HACD2: variants seen among roughly 807,000 people sequenced by gnomAD.
The protein encoded by HACD2 is 3-hydroxyacyl-CoA dehydratase 2, also known as very-long-chain (3R)-3-hydroxyacyl-CoA dehydratase 2.
In HACD2, 15 loss-of-function variants were observed where a neutral mutation model predicts 31.0. The ratio of observed to expected loss-of-function variants is 0.48; its 90% CI spans 0.32 to 0.75. The LOEUF is 0.75. HACD2 is among the 30% of genes least tolerant of loss of function. HACD2 has a pLI of 0.03. For synonymous variants in HACD2, 115 were observed against 122.2 expected, an observed-to-expected ratio of 0.94 and a Z score of 0.39; for missense variants, 283 against 313.0, an observed-to-expected ratio of 0.90 and a Z score of 0.72.
chr3:123,563,964 G>A (rs2056763632), intron 3 of HACD2, among the ~76,000 whole-genome samples: 1 of 152,200 alleles, frequency 6.6e-6, no homozygotes, highest in South Asian at 2.1e-4. Context: ...GACGTACTGA[G>A]GTCCCAAGTA....
chr3:123,548,897 T>C (rs899417343), intron 3 of HACD2, among the ~76,000 whole-genome samples: 10 of 151,596 alleles, frequency 6.6e-5, no homozygotes, highest in Non-Finnish European at 1.3e-4. Flanking sequence ...AGTGCTGGGG[T>C]TGCAGGCATG....
chr3:123,581,233 T>A (rs1347097869), intron 2 of HACD2, among the ~76,000 whole-genome samples: 1 of 152,202 alleles, frequency 6.6e-6, no homozygotes, highest in Non-Finnish European at 1.5e-5. Flanking sequence ...GAACCAGATC[T>A]TCCCTGCAAT....
At chr3:123,538,835 T>C (rs2056455858) in intron 3 of HACD2, among the ~76,000 whole-genome samples, 1 of 152,244 alleles carries the variant, frequency 6.6e-6, no homozygotes, top group Non-Finnish European at 1.5e-5. Flanking sequence ...TTGGATAATG[T>C]AATTTTAATA....
chr3:123,562,493 C>A (rs1297095222), intron 3 of HACD2, among the ~76,000 whole-genome samples: 1 of 145,794 alleles, frequency 6.9e-6, no homozygotes, highest in Non-Finnish European at 1.5e-5. Flanking sequence ...AAATATTGAA[C>A]ATTAGAGGAA....
intron 2 of HACD2, among the ~76,000 whole-genome samples, chr3:123,568,329 T>G (rs893693072): frequency 6.6e-6 from 1 of 152,156 alleles, no homozygotes; most frequent in African/African-American, 2.4e-5. Context: ...TGGGCCTACA[T>G]CCCAAGCTGC....
chr3:123,504,051 A>G (rs746427809), intron 4 of HACD2, among the ~76,000 whole-genome samples: 6 of 152,246 alleles, frequency 3.9e-5, no homozygotes, highest in Non-Finnish European at 8.8e-5. Flanking sequence ...TACTGTCAAG[A>G]GCAAGAGTAC....
At chr3:123,516,327 C>T (rs537675983) in intron 4 of HACD2, among the ~76,000 whole-genome samples, 14 of 151,314 alleles carry the variant, frequency 9.3e-5, no homozygotes, top group African/African-American at 2.4e-4. Flanking sequence ...CTCCGCCTCC[C>T]GGGTTCACGC....
chr3:123,519,851 G>A (rs1200463921), intron 4 of HACD2, among the ~76,000 whole-genome samples: 1 of 152,164 alleles, frequency 6.6e-6, no homozygotes, highest in Non-Finnish European at 1.5e-5. Context: ...ACAGGTAATA[G>A]TTTCTAACTT....
At chr3:123,569,465 G>A (rs183423347) in intron 2 of HACD2, among the ~76,000 whole-genome samples, 6 of 152,266 alleles carry the variant, frequency 3.9e-5, no homozygotes, top group African/African-American at 7.2e-5. Flanking sequence ...GGACTCAAGC[G>A]ATCCTCCCAC....
At chr3:123,522,294 G>T (rs2056225022) in intron 4 of HACD2, among the ~76,000 whole-genome samples, 2 of 145,380 alleles carry the variant, frequency 1.4e-5, no homozygotes, top group African/African-American at 5.1e-5. Context: ...TCCAGCCTGG[G>T]TGATGACAGG....
At chr3:123,584,653 A>C in intron 1 of HACD2, 17 of 340,580 alleles carry the variant, frequency 5.0e-5, no homozygotes, top group East Asian at 1.9e-4. Context: ...GTGCCTGGGA[A>C]CTTGGCTCGA....
intron 4 of HACD2, among the ~76,000 whole-genome samples, chr3:123,508,928 C>T (rs2056013789): frequency 6.6e-6 from 1 of 152,186 alleles, no homozygotes; most frequent in Non-Finnish European, 1.5e-5. Context: ...TGCCCTCCTT[C>T]ACATGGTATC....
At chr3:123,505,425 C>A (rs2055962665) in intron 4 of HACD2, among the ~76,000 whole-genome samples, 1 of 152,006 alleles carries the variant, frequency 6.6e-6, no homozygotes, top group Non-Finnish European at 1.5e-5. Flanking sequence ...ATGTCTTTTA[C>A]CACAAAAAAT....
At chr3:123,582,112 AC>A (rs759416778) in intron 2 of HACD2, 99 bp downstream of exon 2, 8 of 716,126 alleles carry the variant, frequency 1.1e-5, no homozygotes, top group Non-Finnish European at 1.7e-5. Context: ...TCAAAATTTA[AC>A]ATGAATCCAA....
rs1176484120 is a variant in HACD2 at position 123,493,590 on chromosome 3, T to C, written c.*1298A>G. On this transcript the variant is annotated 3_prime_UTR_variant, in exon 7 of 7. Coordinates refer to ENST00000383657, the MANE Select transcript of HACD2 (RefSeq NM_198402.5). Reference sequence around the variant, plus strand: ...CATCTAAACTTGGGCTTTCACATTTTCATCCAACTCTTTCTTTCTTATTTT... The same window carrying C: ...CATCTAAACTTGGGCTTTCACATTTCCATCCAACTCTTTCTTTCTTATTTT... The C allele has an allele frequency of 6.6e-6, 1 of 152,244 alleles. No homozygotes were observed. Among genetic ancestry groups the C allele is most frequent in the Non-Finnish European group, 1.5e-5 (1 of 68,050 alleles). The allele number at this position is 152,244 out of a possible 1,614,324, so 9.4% of individuals were successfully genotyped here.
At chr3:123,559,414 C>A (rs2056704583) in intron 3 of HACD2, among the ~76,000 whole-genome samples, 1 of 152,230 alleles carries the variant, frequency 6.6e-6, no homozygotes, top group African/African-American at 2.4e-5. Context: ...CACGTTTAAA[C>A]ATCTAGCGTA....
intron 4 of HACD2, among the ~76,000 whole-genome samples, chr3:123,506,156 C>T (rs2055973301): frequency 1.3e-5 from 2 of 152,232 alleles, no homozygotes; most frequent in African/African-American, 4.8e-5. Context: ...TGATAATCTT[C>T]TTAAAAATAA....
intron 3 of HACD2, among the ~76,000 whole-genome samples, chr3:123,542,126 G>A (rs370776923): frequency 0.013 from 1,200 of 93,766 alleles, 18 homozygotes; most frequent in African/African-American, 0.051. Flanking sequence ...CAGCCTGGGC[G>A]ACAGAGCGAG....
intron 4 of HACD2, among the ~76,000 whole-genome samples, chr3:123,520,193 T>G (rs1398836914): frequency 6.6e-6 from 1 of 152,190 alleles, no homozygotes; most frequent in African/African-American, 2.4e-5. Context: ...GCAATTAGGA[T>G]TTTTATGACA....
Sources: allele counts gnomAD v4.1 joint callset (sites outside exome capture counted in the v4.1 genomes callset), GRCh38; gene constraint gnomAD v4.1.1; transcripts MANE v1.5; gene names NCBI Gene and HGNC (gene_info 2026-07-23, HGNC 2026-07-21).